The following PPM1L variants were observed in gnomAD, a reference collection of about 807,000 sequenced individuals.
The protein encoded by PPM1L is protein phosphatase 1L.
PPM1L carries 13 observed loss-of-function variants against 31.4 expected under a neutral mutation model. The observed-to-expected ratio is 0.41, with a 90% CI of 0.27 to 0.66. The LOEUF is 0.66. PPM1L is among the 30% of genes least tolerant of loss of function. PPM1L has a pLI of 0.29. For missense variants in PPM1L, 326 were observed against 453.7 expected (o/e 0.72, Z 2.56); for synonymous variants, 184 against 175.4 (o/e 1.05, Z -0.39).
chr3:160,973,917 T>A (rs1266939171), intron 2 of PPM1L, among the ~76,000 whole-genome samples: 1 of 150,520 alleles, frequency 6.6e-6, no homozygotes, highest in African/African-American at 2.4e-5. Context: ...CATGTGCACA[T>A]TGTGCAGGTT....
intron 1 of PPM1L, among the ~76,000 whole-genome samples, chr3:160,759,047 A>G (rs1010075717): frequency 2.6e-5 from 4 of 152,208 alleles, no homozygotes; most frequent in Admixed American, 1.3e-4. Context: ...ATAATATTAG[A>G]TAATTTCTCT....
At chr3:160,992,825 T>C (rs531437589) in intron 2 of PPM1L, among the ~76,000 whole-genome samples, 2 of 152,298 alleles carry the variant, frequency 1.3e-5, no homozygotes, top group South Asian at 2.1e-4. Context: ...TCTGATTGGC[T>C]AGCCTGAGCT....
intron 2 of PPM1L, among the ~76,000 whole-genome samples, chr3:161,059,347 G>A (rs1719508700): frequency 6.6e-6 from 1 of 152,116 alleles, no homozygotes; most frequent in Non-Finnish European, 1.5e-5. Context: ...GAGCATGGGA[G>A]CATGAGCTAT....
At chr3:160,911,575 T>C (rs1713974439) in intron 1 of PPM1L, among the ~76,000 whole-genome samples, 1 of 152,200 alleles carries the variant, frequency 6.6e-6, no homozygotes, top group Non-Finnish European at 1.5e-5. Flanking sequence ...CTGGGCTCCT[T>C]TTACTGAGGT....
At chr3:160,975,302 A>G (rs1716525781) in intron 2 of PPM1L, among the ~76,000 whole-genome samples, 1 of 151,802 alleles carries the variant, frequency 6.6e-6, no homozygotes, top group Non-Finnish European at 1.5e-5. Context: ...GAAGTCAGGT[A>G]GTGTGATGCC....
At chr3:160,951,863 G>T (rs1019971515) in intron 1 of PPM1L, among the ~76,000 whole-genome samples, 3 of 152,110 alleles carry the variant, frequency 2.0e-5, no homozygotes, top group Non-Finnish European at 4.4e-5. Flanking sequence ...TGTGGTAGTC[G>T]CTTTACCACA....
chr3:161,005,344 G>A (rs1405447809), intron 2 of PPM1L, among the ~76,000 whole-genome samples: 1 of 152,152 alleles, frequency 6.6e-6, no homozygotes, highest in Non-Finnish European at 1.5e-5. Flanking sequence ...AAAACAAAGT[G>A]AGTTATGTAT....
intron 1 of PPM1L, among the ~76,000 whole-genome samples, chr3:160,893,416 T>G (rs1208318489): frequency 6.6e-6 from 1 of 152,228 alleles, no homozygotes; most frequent in Non-Finnish European, 1.5e-5. Flanking sequence ...GCATTTTTGT[T>G]TAACAATATC....
intron 2 of PPM1L, among the ~76,000 whole-genome samples, chr3:161,023,174 T>G (rs1718287333): frequency 1.3e-5 from 2 of 152,062 alleles, no homozygotes. Context: ...TTTCAGTCTT[T>G]GGCTTTTAAC....
At chr3:160,915,483 C>CATACTAT (rs1714136851) in intron 1 of PPM1L, among the ~76,000 whole-genome samples, 2 of 151,738 alleles carry the variant, frequency 1.3e-5, no homozygotes, top group African/African-American at 4.9e-5. Context: ...GGCCATACTA[C>CATACTAT]CCAAGGTAAT....
At chr3:160,989,761 G>T (rs181028987) in intron 2 of PPM1L, among the ~76,000 whole-genome samples, 25 of 152,238 alleles carry the variant, frequency 1.6e-4, no homozygotes, top group Non-Finnish European at 3.2e-4. Context: ...CTGGGCTCAA[G>T]TAATCCTCCC....
chr3:160,838,302 G>A (rs1218438330), intron 1 of PPM1L, among the ~76,000 whole-genome samples: 2 of 152,140 alleles, frequency 1.3e-5, no homozygotes, highest in Admixed American at 1.3e-4. Flanking sequence ...TTCCTGATGA[G>A]TTAAAGTGTA....
chr3:160,848,678 T>G (rs1480530007), intron 1 of PPM1L, among the ~76,000 whole-genome samples: 1 of 152,218 alleles, frequency 6.6e-6, no homozygotes, highest in African/African-American at 2.4e-5. Context: ...TTAGTTCAGT[T>G]CTTGTGTGAA....
chr3:161,042,120 G>A (rs1188515470), intron 2 of PPM1L, among the ~76,000 whole-genome samples: 1 of 152,084 alleles, frequency 6.6e-6, no homozygotes, highest in East Asian at 1.9e-4. Context: ...AGCTCAAATA[G>A]TTGCTCCTTG....
intron 1 of PPM1L, among the ~76,000 whole-genome samples, chr3:160,885,204 A>ACT (rs1712870619): frequency 6.6e-6 from 1 of 152,066 alleles, no homozygotes; most frequent in Non-Finnish European, 1.5e-5. Flanking sequence ...ATTAAGGCCC[A>ACT]CTCTCTAAAT....
intron 2 of PPM1L, among the ~76,000 whole-genome samples, chr3:160,962,556 C>G (rs184082282): frequency 2.7e-5 from 4 of 150,138 alleles, no homozygotes; most frequent in Non-Finnish European, 4.5e-5. Context: ...AGCAGAAATA[C>G]CCTGATTAAA....
chr3:160,915,891 C>T (rs1311059769), intron 1 of PPM1L, among the ~76,000 whole-genome samples: 3 of 152,114 alleles, frequency 2.0e-5, no homozygotes, highest in Non-Finnish European at 4.4e-5. Context: ...TTCCTTACAC[C>T]TTATACAAAA....
intron 1 of PPM1L, among the ~76,000 whole-genome samples, chr3:160,829,947 A>G (rs1713474973): frequency 6.6e-6 from 1 of 152,180 alleles, no homozygotes; most frequent in Non-Finnish European, 1.5e-5. Flanking sequence ...CAACTTGCAA[A>G]GGTACAGCCT....
At chr3:161,028,069 T>C (rs1477666956) in intron 2 of PPM1L, among the ~76,000 whole-genome samples, 1 of 152,194 alleles carries the variant, frequency 6.6e-6, no homozygotes, top group Non-Finnish European at 1.5e-5. Flanking sequence ...CCTGTGCTCT[T>C]AACCACTAGG....
Sources: allele counts gnomAD v4.1 joint callset (sites outside exome capture counted in the v4.1 genomes callset), GRCh38; gene constraint gnomAD v4.1.1; transcripts MANE v1.5; gene names NCBI Gene and HGNC (gene_info 2026-07-23, HGNC 2026-07-21).